ARHGAP15: variants seen among roughly 807,000 people sequenced by gnomAD.
The protein encoded by ARHGAP15 is rho GTPase-activating protein 15.
In ARHGAP15, 51 loss-of-function variants were observed where a neutral mutation model predicts 63.7. The observed-to-expected ratio is 0.80, with a 90% CI of 0.64 to 1.01. ARHGAP15 has a LOEUF of 1.01. Ranked by LOEUF, ARHGAP15 falls within the 50% of genes least tolerant of loss-of-function variation. The probability of loss-of-function intolerance (pLI) is 0.00; values close to 1 mark genes in which losing one functional copy is unlikely to be tolerated. For missense variants in ARHGAP15, 560 were observed against 564.6 expected (o/e 0.99, Z 0.08); for synonymous variants, 191 against 193.8 (o/e 0.99, Z 0.12).
intron 11 of ARHGAP15, among the ~76,000 whole-genome samples, chr2:143,612,943 T>C (rs1559081070): frequency 6.6e-6 from 1 of 152,244 alleles, no homozygotes. Flanking sequence ...CAACTATTAT[T>C]GGTTTTCTAG....
intron 6 of ARHGAP15, among the ~76,000 whole-genome samples, chr2:143,268,175 GT>G (rs200736838): frequency 0.095 from 13,521 of 142,718 alleles, 664 homozygotes; most frequent in East Asian, 0.21. Context: ...ATAGAGTGTA[GT>G]TTTTTTTTTT....
At chr2:143,320,406 C>CCCCG (rs1683955081) in intron 6 of ARHGAP15, among the ~76,000 whole-genome samples, 2 of 21,656 alleles carry the variant, frequency 9.2e-5, no homozygotes, top group African/African-American at 3.3e-4. Flanking sequence ...CAGGACTTCC[C>CCCCG]CACCCCCCCC....
At chr2:143,405,523 A>AT (rs911517681) in intron 6 of ARHGAP15, among the ~76,000 whole-genome samples, 67 of 151,992 alleles carry the variant, frequency 4.4e-4, no homozygotes, top group African/African-American at 1.3e-3. Flanking sequence ...TATTAGTTAT[A>AT]TTTTTTGTCA....
At chr2:143,455,893 G>C (rs1293181743) in intron 8 of ARHGAP15, among the ~76,000 whole-genome samples, 3 of 151,684 alleles carry the variant, frequency 2.0e-5, no homozygotes, top group Admixed American at 1.3e-4. Flanking sequence ...AAATGGTCTG[G>C]AGGCTGACAT....
At chr2:143,494,296 A>G (rs1692718958) in intron 9 of ARHGAP15, among the ~76,000 whole-genome samples, 1 of 151,928 alleles carries the variant, frequency 6.6e-6, no homozygotes, top group Non-Finnish European at 1.5e-5. Context: ...CCCAATATTT[A>G]TATTATTTTA....
At chr2:143,526,602 T>C (rs968216401) in intron 10 of ARHGAP15, among the ~76,000 whole-genome samples, 7 of 152,144 alleles carry the variant, frequency 4.6e-5, no homozygotes, top group African/African-American at 1.7e-4. Flanking sequence ...GACTGGGAGT[T>C]TTCCCATTAC....
intron 6 of ARHGAP15, among the ~76,000 whole-genome samples, chr2:143,296,550 T>A (rs766881436): frequency 6.6e-6 from 1 of 151,996 alleles, no homozygotes; most frequent in Non-Finnish European, 1.5e-5. Flanking sequence ...AACCTTTGGG[T>A]AAAAAGTTAG....
At chr2:143,745,378 C>A (rs189568287) in intron 13 of ARHGAP15, among the ~76,000 whole-genome samples, 95 of 152,330 alleles carry the variant, frequency 6.2e-4, no homozygotes, top group African/African-American at 2.2e-3. Flanking sequence ...CCAGGTGAAG[C>A]AAATCTGTGT....
intron 10 of ARHGAP15, among the ~76,000 whole-genome samples, chr2:143,529,232 T>C (rs1694418737): frequency 6.6e-6 from 1 of 152,102 alleles, no homozygotes; most frequent in South Asian, 2.1e-4. Context: ...TAGAAAGAAA[T>C]ATGTTAGACA....
intron 2 of ARHGAP15, among the ~76,000 whole-genome samples, chr2:143,160,723 T>C (rs929054859): frequency 2.0e-5 from 3 of 151,956 alleles, no homozygotes; most frequent in African/African-American, 4.8e-5. Context: ...AATATGCCCC[T>C]GGGAGAAGAA....
chr2:143,502,662 C>A (rs1559013731), intron 9 of ARHGAP15, among the ~76,000 whole-genome samples: 1 of 151,992 alleles, frequency 6.6e-6, no homozygotes, highest in Admixed American at 6.6e-5. Context: ...TCACTGCAAC[C>A]TCCGTCTCCC....
At chr2:143,759,690 G>T (rs536727632) in intron 13 of ARHGAP15, among the ~76,000 whole-genome samples, 1 of 151,732 alleles carries the variant, frequency 6.6e-6, no homozygotes, top group South Asian at 2.1e-4. Context: ...ACCATTCCCC[G>T]CCCAGAACAC....
At chr2:143,238,803 T>A (rs1443611054) in intron 5 of ARHGAP15, among the ~76,000 whole-genome samples, 1 of 152,170 alleles carries the variant, frequency 6.6e-6, no homozygotes, top group Non-Finnish European at 1.5e-5. Flanking sequence ...TAAATGCCTG[T>A]CAATGATAGA....
chr2:143,758,445 T>TC lies in ARHGAP15; in HGVS notation c.1245-9541dup, dbSNP rs570378119. On this transcript the variant is annotated intron_variant, in intron 13 of 13. Transcript: ENST00000295095. ...ATAGTTCTGATTAGTACTTTTTTTT[T>TC]CCCAAAAGACCATGTATTAGTTTTG... Among the ~76,000 whole-genome samples the TC allele has an allele frequency of 1.2e-3, 189 of 152,090 alleles. 3 individuals are homozygous for TC. The South Asian group carries it at 0.03, about 24-fold the overall frequency.
intron 9 of ARHGAP15, among the ~76,000 whole-genome samples, chr2:143,516,552 T>C (rs764426871): frequency 2.0e-5 from 3 of 152,216 alleles, no homozygotes; most frequent in Admixed American, 6.5e-5. Context: ...CCTATAATAT[T>C]ACAAACTTCT....
chr2:143,332,260 CATT>C (rs958350221), intron 6 of ARHGAP15, among the ~76,000 whole-genome samples: 10 of 152,012 alleles, frequency 6.6e-5, no homozygotes, highest in Non-Finnish European at 1.5e-4. Context: ...TAAAATATCA[CATT>C]ATTGCCTACC....
At chr2:143,160,230 A>T (rs1690236223) in intron 2 of ARHGAP15, among the ~76,000 whole-genome samples, 1 of 151,942 alleles carries the variant, frequency 6.6e-6, no homozygotes, top group African/African-American at 2.4e-5. Context: ...ATATAATTTA[A>T]ATTCTATTTT....
chr2:143,215,734 A>G (rs1014840985), intron 3 of ARHGAP15, among the ~76,000 whole-genome samples: 8 of 152,348 alleles, frequency 5.3e-5, no homozygotes, highest in African/African-American at 1.9e-4. Flanking sequence ...AACCTCCGCA[A>G]ACACTTCTGC....
chr2:143,294,277 A>T (rs1682536082), intron 6 of ARHGAP15, among the ~76,000 whole-genome samples: 1 of 152,102 alleles, frequency 6.6e-6, no homozygotes, highest in Non-Finnish European at 1.5e-5. Context: ...TGCCACATGC[A>T]TTTACTTAGT....
Sources: allele counts gnomAD v4.1 joint callset (sites outside exome capture counted in the v4.1 genomes callset), GRCh38; gene constraint gnomAD v4.1.1; transcripts MANE v1.5; gene names NCBI Gene and HGNC (gene_info 2026-07-23, HGNC 2026-07-21).